The following WNT9A variants were observed in gnomAD, a reference collection of about 807,000 sequenced individuals.
WNT9A encodes protein Wnt-9a.
Under a neutral mutation model 31.4 loss-of-function variants are expected in WNT9A, and 8 were observed. The ratio of observed to expected loss-of-function variants is 0.26; its 90% CI spans 0.15 to 0.46. WNT9A has a LOEUF of 0.46. WNT9A is among the 20% of genes least tolerant of loss of function. The pLI is 0.99. For missense variants in WNT9A, 457 were observed against 522.9 expected, an observed-to-expected ratio of 0.87 and a Z score of 1.23; for synonymous variants, 236 against 220.1, an observed-to-expected ratio of 1.07 and a Z score of -0.64.
chr1:227,941,077 G>A (rs1253663130), intron 1 of WNT9A, among the ~76,000 whole-genome samples: 3 of 152,248 alleles, frequency 2.0e-5, no homozygotes, highest in East Asian at 1.9e-4. Flanking sequence ...GTCCACACAC[G>A]GGAAGGTGCG....
intron 1 of WNT9A, among the ~76,000 whole-genome samples, chr1:227,931,698 T>C (rs1411063189): frequency 6.6e-6 from 1 of 152,218 alleles, no homozygotes; most frequent in Non-Finnish European, 1.5e-5. Flanking sequence ...CAATATAGCA[T>C]TATGTCTTAA....
At chr1:227,944,894 C>T (rs1349775244) in intron 1 of WNT9A, among the ~76,000 whole-genome samples, 3 of 152,232 alleles carry the variant, frequency 2.0e-5, no homozygotes, top group Admixed American at 2.0e-4. Context: ...AGCCTCAGAC[C>T]TCATCCCGAG....
At chr1:227,930,999 C>CAA (rs34833730) in intron 1 of WNT9A, among the ~76,000 whole-genome samples, 2,835 of 142,454 alleles carry the variant, frequency 0.02, 30 homozygotes, top group Middle Eastern at 0.03. Flanking sequence ...GACTCCGTCT[C>CAA]AAAAAAAAAA....
In WNT9A at chr1:227,942,155, G is replaced by A. The variant is rs562706936; in HGVS notation, c.95+5638C>T. 5.8e-4 allele frequency among the ~76,000 whole-genome samples: 88 copies of A among 152,200 alleles called. No homozygotes were observed. The highest frequency in any genetic ancestry group is 9.8e-4 in the Admixed American group (15 of 15,284). ...GGCCCTCTGCAGCCTGCAGCAGGGC[G>A]GGAGCAAGATGAGGCCAGCTGTCTC... On this transcript the variant is annotated intron_variant, in intron 1 of 3. Transcript: ENST00000272164. This position sits in a 1 kb window ranked among gnomAD's most constrained non-coding sequence, Gnocchi z 5.7.
chr1:227,947,403 G>A (rs1666812106), intron 1 of WNT9A, among the ~76,000 whole-genome samples: 1 of 152,224 alleles, frequency 6.6e-6, no homozygotes, highest in Non-Finnish European at 1.5e-5. Context: ...AGAGAAAGGG[G>A]GGGAAGCTGC....
chr1:227,947,319 C>G (rs1368906072), intron 1 of WNT9A, among the ~76,000 whole-genome samples: 1 of 151,820 alleles, frequency 6.6e-6, no homozygotes, highest in African/African-American at 2.4e-5. Flanking sequence ...CTCTCTCTCT[C>G]CGTTTGGGGC....
At chr1:227,943,916 G>A (rs1040582821) in intron 1 of WNT9A, among the ~76,000 whole-genome samples, 2 of 152,168 alleles carry the variant, frequency 1.3e-5, no homozygotes, top group Non-Finnish European at 2.9e-5. Context: ...CTGAGGTGGA[G>A]GCAGCAATGA....
rs1666425440 is a variant in WNT9A at position 227,926,679 on chromosome 1, C to A, written c.96-1160G>T. ...GGACAGGGCCAGGGCTTGGAGGCCC[C>A]TCCTGAAAGCATCACTGGACACATG... On this transcript the variant is annotated intron_variant, in intron 1 of 3. Transcript: ENST00000272164. This position sits in a 1 kb window ranked among gnomAD's most constrained non-coding sequence, Gnocchi z 5.0. Among the ~76,000 whole-genome samples the A allele has an allele frequency of 6.6e-6, 1 of 151,982 alleles. No individual in the cohort carries two copies. The highest frequency in any genetic ancestry group is 2.1e-4 in the South Asian group (1 of 4,824).
rs748293306 is a variant in WNT9A, at chr1:227,921,590, C to T, written c.1026G>A (p.Gln342=). The T allele has an allele frequency of 3.7e-6, 6 of 1,613,430 alleles. No individual in the cohort carries two copies. Among genetic ancestry groups the T allele is most frequent in the Non-Finnish European group, 5.1e-6 (6 of 1,180,010 alleles). Residue 342 remains glutamine, a synonymous_variant, in exon 4 of 4, where the codon CAG becomes CAA. Coordinates refer to ENST00000272164, the MANE Select transcript of WNT9A (RefSeq NM_003395.4). ...SRVVTRPCQC[Q]VRWCCYVECR... ...ACTCCACATAGCAGCACCAACGCACCTGGCACTGGCAGGGCCTTGTCACCA... is the reference window on the plus strand; with the variant it reads ...ACTCCACATAGCAGCACCAACGCACTTGGCACTGGCAGGGCCTTGTCACCA...
intron 1 of WNT9A, among the ~76,000 whole-genome samples, chr1:227,944,043 A>G (rs958530173): frequency 9.2e-5 from 14 of 152,118 alleles, no homozygotes; most frequent in African/African-American, 3.4e-4. Flanking sequence ...ATGTACCCCA[A>G]GAACTGAAAA....
rs575548470 is a variant in WNT9A, at chr1:227,926,806, T to G, written c.96-1287A>C. ...CTCCCCCCACACCCTCACATGGCCCTGCTAGACCCTGCCACCCACCCCGAG... is the reference window on the plus strand; with the variant it reads ...CTCCCCCCACACCCTCACATGGCCCGGCTAGACCCTGCCACCCACCCCGAG... On this transcript the variant is annotated intron_variant, in intron 1 of 3. Coordinates refer to ENST00000272164, the MANE Select transcript of WNT9A (RefSeq NM_003395.4). This position sits in a 1 kb window ranked among gnomAD's most constrained non-coding sequence, Gnocchi z 5.0. 6.6e-6 allele frequency among the ~76,000 whole-genome samples: 1 copy of G among 152,050 alleles called. No homozygotes were observed. Among genetic ancestry groups the G allele is most frequent in the African/African-American group, 2.4e-5 (1 of 41,516 alleles).
rs187000926 is a variant in WNT9A, at chr1:227,935,928, C to T, written c.96-10409G>A. Among the ~76,000 whole-genome samples, 9 of 152,334 alleles carry T rather than the reference C, an allele frequency of 5.9e-5. No individual in the cohort carries two copies. The East Asian group carries it at 7.7e-4, about 13-fold the overall frequency. The stretch of plus-strand genomic sequence containing the variant: ...GAGAACATATTCCCATCGACTCTCC[C>T]GCCCTGAGTTATGTGCTAATTGCAT... On this transcript the variant is annotated intron_variant, in intron 1 of 3. Transcript: ENST00000272164.
rs1666267577 is a variant in WNT9A, at chr1:227,919,401, G to A, written c.*2117C>T. On this transcript the variant is annotated 3_prime_UTR_variant, in exon 4 of 4. Transcript: ENST00000272164. Reference sequence around the variant, plus strand: ...TCGGGGTGCTCTCTGAACCACAGGAGAATAAAGGTTCTTATGTACTATAAC... The same window carrying A: ...TCGGGGTGCTCTCTGAACCACAGGAAAATAAAGGTTCTTATGTACTATAAC... 6.6e-6 allele frequency: 1 copy of A among 152,218 alleles called. No individual in the cohort carries two copies. The highest frequency in any genetic ancestry group is 2.1e-4 in the South Asian group (1 of 4,824). The allele number at this position is 152,218 out of a possible 1,614,324, so 9.4% of individuals were successfully genotyped here.
Position 227,921,691 on chromosome 1 carries a change from C to T in WNT9A, c.925G>A (p.Ala309Thr), listed in dbSNP as rs568175769. 8.1e-6 allele frequency: 13 copies of T among 1,612,922 alleles called. No homozygotes were observed. The East Asian group carries it at 1.3e-4, about 17-fold the overall frequency. Reference protein sequence around the residue: ...CLAGRFSPGTAGRRCHREKNC... With the variant: ...CLAGRFSPGTTGRRCHREKNC... ...TTCTCACGGTGGCACCTACGGCCAG[C>T]GGTGCCCGGGGAGAAGCGGCCAGCC... The change falls in exon 4 of 4, where the codon GCT (alanine) becomes ACT (threonine). Residue 309 changes from alanine (A) to threonine (T), a missense_variant. Transcript: ENST00000272164.
At chr1:227,943,847 T>C (rs1335170792) in intron 1 of WNT9A, among the ~76,000 whole-genome samples, 3 of 152,186 alleles carry the variant, frequency 2.0e-5, no homozygotes, top group African/African-American at 7.2e-5. Context: ...CCAGGATTAG[T>C]GGCTTGTGCC....
intron 1 of WNT9A, among the ~76,000 whole-genome samples, chr1:227,933,010 C>T (rs1056594738): frequency 2.6e-5 from 4 of 152,194 alleles, no homozygotes; most frequent in Non-Finnish European, 5.9e-5. Flanking sequence ...CTGCATTAGC[C>T]CCTATCAAGA....
rs145833828 is a variant in WNT9A, at chr1:227,919,487, C to T, written c.*2031G>A. 1 of 152,266 alleles carries T rather than the reference C, an allele frequency of 6.6e-6. No homozygotes were observed. Among genetic ancestry groups the T allele is most frequent in the Admixed American group, 6.5e-5 (1 of 15,280 alleles). The allele number at this position is 152,266 out of a possible 1,614,324, so 9.4% of individuals were successfully genotyped here. A position where few individuals can be genotyped will look rare whatever the true frequency, so the allele number is the denominator to read the frequency against. ...GTTTTCTTTTAAAAACACAGACACC[C>T]CGGCTTTCTGGAGACCCTTAGGGCT... is the stretch of plus-strand genomic sequence containing the variant. On this transcript the variant is annotated 3_prime_UTR_variant, in exon 4 of 4. Transcript: ENST00000272164.
chr1:227,930,437 C>G (rs189563691), intron 1 of WNT9A, among the ~76,000 whole-genome samples: 8 of 152,278 alleles, frequency 5.3e-5, no homozygotes, highest in Admixed American at 3.3e-4. Context: ...CCATGGAACT[C>G]GCTCCACACT....
Position 227,926,911 on chromosome 1 carries a change from T to C in WNT9A, c.96-1392A>G, listed in dbSNP as rs1304186758. Among the ~76,000 whole-genome samples the C allele has an allele frequency of 5.3e-5, 8 of 151,774 alleles. No homozygotes were observed. The highest frequency in any genetic ancestry group is 5.2e-4 in the Admixed American group (8 of 15,258). ...ATACCCCATCAAAGGCAAGGCCACATAGGTAACCCCAAGGCTACTGAGGGG... is the reference window on the plus strand; with the variant it reads ...ATACCCCATCAAAGGCAAGGCCACACAGGTAACCCCAAGGCTACTGAGGGG... On this transcript the variant is annotated intron_variant, in intron 1 of 3. Coordinates refer to ENST00000272164, the MANE Select transcript of WNT9A (RefSeq NM_003395.4). This position sits in a 1 kb window ranked among gnomAD's most constrained non-coding sequence, Gnocchi z 5.0.
Sources: allele counts gnomAD v4.1 joint callset (sites outside exome capture counted in the v4.1 genomes callset), GRCh38; gene constraint gnomAD v4.1.1; non-coding constraint Gnocchi (gnomAD v3.1); transcripts MANE v1.5; gene names NCBI Gene and HGNC (gene_info 2026-07-23, HGNC 2026-07-21).